HS3ST5: variants seen among roughly 807,000 people sequenced by gnomAD.
HS3ST5 encodes heparan sulfate-glucosamine 3-sulfotransferase 5.
In HS3ST5, 10 loss-of-function variants were observed where a neutral mutation model predicts 25.4. That is an observed-to-expected ratio of 0.39 (90% CI 0.24 to 0.67). The LOEUF is 0.67. Among genes scored for constraint, HS3ST5 ranks in the 30% least tolerant of loss-of-function variants. HS3ST5 has a pLI of 0.44. For synonymous variants in HS3ST5, 170 were observed against 162.4 expected (o/e 1.05, Z -0.36); for missense variants, 324 against 420.7 (o/e 0.77, Z 2.01).
At chr6:114,278,036 G>C (rs116223991) in intron 1 of HS3ST5, among the ~76,000 whole-genome samples, 1 of 151,930 alleles carries the variant, frequency 6.6e-6, no homozygotes, top group East Asian at 1.9e-4. Context: ...GGGCTTTGAG[G>C]GGGCAGGTTA....
chr6:114,329,002 C>A (rs1232611911), intron 1 of HS3ST5, among the ~76,000 whole-genome samples: 1 of 152,124 alleles, frequency 6.6e-6, no homozygotes, highest in Non-Finnish European at 1.5e-5. Context: ...TGTCGCCCCT[C>A]TTTGTAATGC....
chr6:114,072,886 T>G (rs934428752), intron 3 of HS3ST5, among the ~76,000 whole-genome samples: 20 of 152,164 alleles, frequency 1.3e-4, no homozygotes, highest in Non-Finnish European at 2.6e-4. Context: ...CTGCCTGACT[T>G]CAAACTATAC....
intron 3 of HS3ST5, among the ~76,000 whole-genome samples, chr6:114,150,488 G>C (rs901324071): frequency 5.9e-5 from 9 of 152,172 alleles, no homozygotes; most frequent in Non-Finnish European, 1.0e-4. Context: ...ATGAGAAATA[G>C]TACAAGTGCC....
intron 1 of HS3ST5, among the ~76,000 whole-genome samples, chr6:114,275,398 C>T (rs537030690): frequency 6.6e-6 from 1 of 152,148 alleles, no homozygotes; most frequent in East Asian, 1.9e-4. Context: ...TGTTACTAAA[C>T]TTTACATTAA....
chr6:114,082,757 G>A (rs528834742), intron 3 of HS3ST5, among the ~76,000 whole-genome samples: 114 of 152,048 alleles, frequency 7.5e-4, no homozygotes, highest in South Asian at 1.5e-3. Flanking sequence ...AACCTTTTTC[G>A]ATTACCTGCT....
intron 1 of HS3ST5, among the ~76,000 whole-genome samples, chr6:114,326,575 T>C (rs1776184304): frequency 6.6e-6 from 1 of 152,210 alleles, no homozygotes; most frequent in Non-Finnish European, 1.5e-5. Flanking sequence ...TTTCCAACTT[T>C]ATAGATGTAA....
At chr6:114,191,311 G>A (rs1015077205) in intron 2 of HS3ST5, among the ~76,000 whole-genome samples, 10 of 152,050 alleles carry the variant, frequency 6.6e-5, no homozygotes, top group African/African-American at 2.4e-4. Context: ...TATAATTATT[G>A]TCACTCAATT....
At chr6:114,257,328 A>G (rs1772976203) in intron 1 of HS3ST5, among the ~76,000 whole-genome samples, 3 of 152,228 alleles carry the variant, frequency 2.0e-5, no homozygotes, top group Admixed American at 6.5e-5. Flanking sequence ...CACTTTCCAA[A>G]TAGTAGATAC....
chr6:114,138,241 T>G (rs191444956), intron 3 of HS3ST5, among the ~76,000 whole-genome samples: 255 of 152,354 alleles, frequency 1.7e-3, no homozygotes, highest in African/African-American at 5.8e-3. Context: ...GGACAGTCAC[T>G]GATCTCATAA....
At chr6:114,150,913 G>A (rs1778418693) in intron 3 of HS3ST5, among the ~76,000 whole-genome samples, 1 of 152,296 alleles carries the variant, frequency 6.6e-6, no homozygotes, top group East Asian at 1.9e-4. Flanking sequence ...GCTTGTTCTT[G>A]AAAGTGGGAA....
At chr6:114,277,250 A>C (rs1356404726) in intron 1 of HS3ST5, among the ~76,000 whole-genome samples, 1 of 151,508 alleles carries the variant, frequency 6.6e-6, no homozygotes, top group Non-Finnish European at 1.5e-5. Context: ...TTCTTGTTTA[A>C]ATTCTGTAAC....
rs180811653 is a variant in HS3ST5 at position 114,209,549 on chromosome 6, A to G, written c.-145+19036T>C. Among the ~76,000 whole-genome samples the G allele has an allele frequency of 3.3e-5, 5 of 152,222 alleles. No homozygotes were observed. In the East Asian group the frequency reaches 9.7e-4, roughly 29 times the overall value. The stretch of plus-strand genomic sequence containing the variant: ...GCAGTGTTAGAATAAATGATTTGGT[A>G]TTCAAATTCTGGATGCTTATTTTAA... On this transcript the variant is annotated intron_variant, in intron 2 of 4. Transcript: ENST00000312719.
chr6:114,105,867 C>T (rs1020091028), intron 3 of HS3ST5, among the ~76,000 whole-genome samples: 6 of 152,076 alleles, frequency 3.9e-5, no homozygotes, highest in African/African-American at 1.4e-4. Flanking sequence ...CACAGAACTA[C>T]CTTAGATCAA....
chr6:114,221,545 A>G lies in HS3ST5; in HGVS notation c.-145+7040T>C, dbSNP rs114593607. The stretch of plus-strand genomic sequence containing the variant: ...CCAGGATTACAGTTATAGTGATACT[A>G]TAATAGTTTAAAATTATTCCATGGG... On this transcript the variant is annotated intron_variant, in intron 2 of 4. Transcript: ENST00000312719. Among the ~76,000 whole-genome samples, 864 of 151,942 alleles carry G rather than the reference A, an allele frequency of 5.7e-3. 7 individuals are homozygous for G. The highest frequency in any genetic ancestry group is 0.02 in the African/African-American group (833 of 41,550).
At chr6:114,203,445 C>T (rs933489624) in intron 2 of HS3ST5, among the ~76,000 whole-genome samples, 1 of 152,128 alleles carries the variant, frequency 6.6e-6, no homozygotes, top group Non-Finnish European at 1.5e-5. Flanking sequence ...AAGATGTAGG[C>T]ATAATTAGAT....
At chr6:114,208,964 T>A (rs1373858407) in intron 2 of HS3ST5, among the ~76,000 whole-genome samples, 2 of 152,114 alleles carry the variant, frequency 1.3e-5, no homozygotes, top group South Asian at 4.1e-4. Context: ...GGACAATGAA[T>A]ACAATGAATG....
chr6:114,307,146 T>C (rs564311815), intron 1 of HS3ST5, among the ~76,000 whole-genome samples: 122 of 152,326 alleles, frequency 8.0e-4, no homozygotes, highest in African/African-American at 2.9e-3. Flanking sequence ...GTTGTAAAAC[T>C]GCAGTTTCCA....
intron 1 of HS3ST5, among the ~76,000 whole-genome samples, chr6:114,251,096 T>A (rs1418934977): frequency 6.6e-6 from 1 of 152,136 alleles, no homozygotes; most frequent in Non-Finnish European, 1.5e-5. Flanking sequence ...TAAATTAGCA[T>A]GGGAAAAGCC....
chr6:114,193,749 A>G (rs182222500), intron 2 of HS3ST5, among the ~76,000 whole-genome samples: 5 of 152,306 alleles, frequency 3.3e-5, no homozygotes, highest in African/African-American at 1.2e-4. Context: ...TTCTTGAGTA[A>G]TCAATATTAC....
Sources: gnomAD v4.1 joint callset for allele counts (sites outside exome capture counted in the v4.1 genomes callset) on GRCh38, gnomAD v4.1.1 for gene constraint, MANE v1.5 for transcripts, NCBI Gene and HGNC (gene_info 2026-07-23, HGNC 2026-07-21) for gene names.